PALMD: variants seen among roughly 807,000 people sequenced by gnomAD.
PALMD encodes the protein paralemmin-like protein.
A neutral mutation model predicts 56.2 loss-of-function variants in PALMD; 42 were observed. The ratio of observed to expected loss-of-function variants is 0.75; its 90% CI spans 0.58 to 0.97. The LOEUF (loss-of-function observed/expected upper bound fraction) is 0.97. Among genes scored for constraint, PALMD ranks in the 50% least tolerant of loss-of-function variants. The pLI, the probability that PALMD is intolerant of heterozygous loss-of-function variation, is 0.00. For missense variants in PALMD, 660 were observed against 643.8 expected, an observed-to-expected ratio of 1.03 and a Z score of -0.27; for synonymous variants, 242 against 222.9, an observed-to-expected ratio of 1.09 and a Z score of -0.76.
intron 2 of PALMD, among the ~76,000 whole-genome samples, chr1:99,664,309 G>A (rs1232828061): frequency 1.3e-5 from 2 of 152,136 alleles, no homozygotes; most frequent in Non-Finnish European, 2.9e-5. Context: ...GGTCAAGAAG[G>A]CACTATTAAA....
Position 99,689,618 on chromosome 1 carries a change from A to G in PALMD, c.1358A>G (p.Glu453Gly). ...GTTGTGATTGATGATGAGGAGGAGG[A>G]GGATGAAGGAGAAGCAGAGAAACCG... is the stretch of plus-strand genomic sequence containing the variant. ...ELVVIDDEEEEDEGEAEKPSY... is the reference protein window; with the variant it reads ...ELVVIDDEEEGDEGEAEKPSY... Residue 453 changes from glutamate to glycine, a missense_variant, in exon 7 of 8, where the codon GAG (glutamate) becomes GGG (glycine). Glu to Gly is a moderately conservative substitution (Grantham distance 98). Coordinates refer to ENST00000263174, the MANE Select transcript of PALMD (RefSeq NM_017734.5). The G allele has an allele frequency of 6.2e-7, 1 of 1,613,774 alleles. No homozygotes were observed. Among genetic ancestry groups the G allele is most frequent in the Non-Finnish European group, 8.5e-7 (1 of 1,179,848 alleles).
intron 3 of PALMD, among the ~76,000 whole-genome samples, chr1:99,671,591 C>T (rs1044046172): frequency 2.6e-5 from 4 of 152,122 alleles, no homozygotes; most frequent in African/African-American, 7.2e-5. Context: ...TTTCTTTATG[C>T]TAGTACAAAG....
intron 1 of PALMD, among the ~76,000 whole-genome samples, chr1:99,653,102 C>T (rs1267973711): frequency 6.6e-6 from 1 of 152,126 alleles, no homozygotes; most frequent in African/African-American, 2.4e-5. Context: ...CAAAGACATC[C>T]TTGCATCTTT....
At chr1:99,670,584 C>T (rs1211788745) in intron 3 of PALMD, among the ~76,000 whole-genome samples, 1 of 152,060 alleles carries the variant, frequency 6.6e-6, no homozygotes, top group Non-Finnish European at 1.5e-5. Context: ...TAGTAAAACA[C>T]CTAACACAGA....
intron 3 of PALMD, among the ~76,000 whole-genome samples, chr1:99,680,409 T>C (rs949310452): frequency 1.3e-5 from 2 of 152,168 alleles, no homozygotes; most frequent in African/African-American, 4.8e-5. Context: ...CAAATCCTTT[T>C]TCATGTACTC....
chr1:99,693,954 TG>T, intron 7 of PALMD, 64 bp from the exon 8 acceptor site: 1 of 1,081,848 alleles, frequency 9.2e-7, no homozygotes, highest in Non-Finnish European at 1.4e-6. Flanking sequence ...ATTCTATGAA[TG>T]GCCATTTAGA....
chr1:99,686,604 G>A (rs1653501471), intron 3 of PALMD, 72 bp from the exon 4 acceptor site: 1 of 723,246 alleles, frequency 1.4e-6, no homozygotes, highest in Non-Finnish European at 2.3e-6. Context: ...CTTTATATAT[G>A]GGGAAGACAT....
intron 1 of PALMD, among the ~76,000 whole-genome samples, chr1:99,653,819 A>T (rs996726421): frequency 1.3e-5 from 2 of 152,078 alleles, no homozygotes; most frequent in Non-Finnish European, 2.9e-5. Flanking sequence ...GTTGCCTTTA[A>T]CTTCCACCCA....
At chr1:99,671,141 C>T (rs185490150) in intron 3 of PALMD, among the ~76,000 whole-genome samples, 5 of 152,252 alleles carry the variant, frequency 3.3e-5, no homozygotes, top group East Asian at 1.9e-4. Context: ...CGTGCCTGCT[C>T]GAGGGTGACA....
At chr1:99,676,993 A>G (rs990338350) in intron 3 of PALMD, among the ~76,000 whole-genome samples, 27 of 152,198 alleles carry the variant, frequency 1.8e-4, no homozygotes, top group Admixed American at 1.6e-3. Flanking sequence ...GTACTCAATA[A>G]TAGCCATTGA....
At chr1:99,661,900 T>C (rs1652854616) in intron 1 of PALMD, among the ~76,000 whole-genome samples, 1 of 152,198 alleles carries the variant, frequency 6.6e-6, no homozygotes, top group African/African-American at 2.4e-5. Flanking sequence ...GACCTGTTTT[T>C]CCACATAAGG....
chr1:99,684,696 T>C (rs1286930333), intron 3 of PALMD: 2 of 152,172 alleles, frequency 1.3e-5, no homozygotes, highest in African/African-American at 4.8e-5. Flanking sequence ...TTTTAATATT[T>C]GTAGAGACTG....
intron 1 of PALMD, among the ~76,000 whole-genome samples, chr1:99,649,412 T>G (rs1329213279): frequency 6.6e-6 from 1 of 152,156 alleles, no homozygotes; most frequent in Non-Finnish European, 1.5e-5. Context: ...AGACTAGTAA[T>G]TTGAAATTCA....
At chr1:99,678,604 G>T (rs1653269603) in intron 3 of PALMD, among the ~76,000 whole-genome samples, 1 of 152,078 alleles carries the variant, frequency 6.6e-6, no homozygotes, top group Non-Finnish European at 1.5e-5. Flanking sequence ...CTGTTTCCAT[G>T]GGTAGAGCTG....
chr1:99,666,249 T>C (rs868489621), intron 2 of PALMD, among the ~76,000 whole-genome samples: 2 of 152,222 alleles, frequency 1.3e-5, no homozygotes, highest in African/African-American at 4.8e-5. Context: ...ATTGGTTTTT[T>C]TTTTAAGAAA....
At chr1:99,675,897 C>A (rs1009335836) in intron 3 of PALMD, among the ~76,000 whole-genome samples, 1 of 152,110 alleles carries the variant, frequency 6.6e-6, no homozygotes. Context: ...CTATCATCTG[C>A]CCATAAGATA....
intron 3 of PALMD, among the ~76,000 whole-genome samples, chr1:99,674,995 C>A (rs758492927): frequency 9.9e-5 from 15 of 152,244 alleles, no homozygotes; most frequent in Admixed American, 3.3e-4. Context: ...CACCCACCCC[C>A]TTGCGATGCA....
chr1:99,690,771 G>A (rs543262723), intron 7 of PALMD, among the ~76,000 whole-genome samples: 162 of 152,164 alleles, frequency 1.1e-3, no homozygotes, highest in Non-Finnish European at 1.2e-3. Flanking sequence ...GTTTGCTAGG[G>A]ATAGTAATTT....
At chr1:99,663,232 A>T (rs573755897) in intron 2 of PALMD, among the ~76,000 whole-genome samples, 2 of 152,210 alleles carry the variant, frequency 1.3e-5, no homozygotes, top group Non-Finnish European at 2.9e-5. Context: ...GAAAAAAAAC[A>T]TAATTTAAGA....
Sources: gnomAD v4.1 joint callset for allele counts (sites outside exome capture counted in the v4.1 genomes callset) on GRCh38, gnomAD v4.1.1 for gene constraint, MANE v1.5 for transcripts, NCBI Gene and HGNC (gene_info 2026-07-23, HGNC 2026-07-21) for gene names.